AIG1: variants seen among roughly 807,000 people sequenced by gnomAD.
The protein encoded by AIG1 is androgen-induced gene 1 protein.
A neutral mutation model predicts 31.4 loss-of-function variants in AIG1; 23 were observed. That is an observed-to-expected ratio of 0.73 (90% CI 0.53 to 1.04). The LOEUF is 1.04. Ranked by LOEUF, AIG1 falls within the 50% of genes least tolerant of loss-of-function variation. The pLI, the probability that AIG1 is intolerant of heterozygous loss-of-function variation, is 0.00. For missense variants in AIG1, 274 were observed against 295.0 expected, an observed-to-expected ratio of 0.93 and a Z score of 0.52; for synonymous variants, 100 against 110.5, an observed-to-expected ratio of 0.90 and a Z score of 0.60.
chr6:143,184,347 A>T (rs1789024611), intron 3 of AIG1, among the ~76,000 whole-genome samples: 2 of 152,180 alleles, frequency 1.3e-5, no homozygotes, highest in South Asian at 4.1e-4. Context: ...CCATGATTTC[A>T]GGTTCTGCAC....
intron 3 of AIG1, among the ~76,000 whole-genome samples, chr6:143,240,678 T>C (rs750359566): frequency 6.6e-6 from 1 of 152,172 alleles, no homozygotes; most frequent in Admixed American, 6.5e-5. Flanking sequence ...AAATTTCCAA[T>C]CTGTCATGAA....
In AIG1 at chr6:143,135,813, C is replaced by T. The variant is rs187329500; in HGVS notation, c.142-1022C>T. On this transcript the variant is annotated intron_variant, in intron 1 of 5. Transcript: ENST00000357847. ...CCAAAAAAGGTCCTTGCTATCTTTT[C>T]TAAAGAGGCAATGAGTAAAATTGTG... 4.3e-3 allele frequency among the ~76,000 whole-genome samples: 661 copies of T among 152,258 alleles called. 5 individuals carry two copies. The highest frequency in any genetic ancestry group is 6.8e-3 in the Middle Eastern group (2 of 294).
In AIG1 at chr6:143,118,778, A is replaced by G. The variant is rs145417605; in HGVS notation, c.142-18057A>G. Among the ~76,000 whole-genome samples, 118 of 152,318 alleles carry G rather than the reference A, an allele frequency of 7.7e-4. 2 individuals carry two copies. The highest frequency in any genetic ancestry group is 2.7e-3 in the African/African-American group (112 of 41,574). ...CTATGATCCTATTAAGAATTTTACA[A>G]CAAAGAGGGGCTTGAGTGACCTAAA... On this transcript the variant is annotated intron_variant, in intron 1 of 5. Coordinates refer to ENST00000357847, the MANE Select transcript of AIG1 (RefSeq NM_016108.4).
intron 4 of AIG1, among the ~76,000 whole-genome samples, chr6:143,318,015 A>G (rs1775906709): frequency 6.6e-6 from 1 of 152,188 alleles, no homozygotes; most frequent in Admixed American, 6.5e-5. Context: ...AACAAATGGA[A>G]ACACATCCCA....
intron 1 of AIG1, among the ~76,000 whole-genome samples, chr6:143,111,552 G>A (rs559427174): frequency 6.6e-5 from 10 of 152,262 alleles, no homozygotes; most frequent in Admixed American, 1.3e-4. Flanking sequence ...GGTGGAACTC[G>A]TTCACTCTGT....
intron 4 of AIG1, among the ~76,000 whole-genome samples, chr6:143,301,969 G>T (rs1004237085): frequency 2.6e-5 from 4 of 151,832 alleles, no homozygotes; most frequent in Admixed American, 6.6e-5. Context: ...AGCTGGACTA[G>T]TGTCCTTTTG....
At chr6:143,114,052 G>A (rs1781535605) in intron 1 of AIG1, among the ~76,000 whole-genome samples, 2 of 152,144 alleles carry the variant, frequency 1.3e-5, no homozygotes, top group Admixed American at 1.3e-4. Context: ...AGGATTACAG[G>A]TGTGAGCCAC....
At chr6:143,187,319 T>C in intron 3 of AIG1, 1 of 1,319,366 alleles carries the variant, frequency 7.6e-7, no homozygotes. Flanking sequence ...ATATGGCAAA[T>C]ATGAACTAAT....
At chr6:143,200,417 T>C (rs1015048734) in intron 3 of AIG1, among the ~76,000 whole-genome samples, 5 of 152,192 alleles carry the variant, frequency 3.3e-5, no homozygotes, top group Non-Finnish European at 5.9e-5. Context: ...CCACCCCCAC[T>C]ACTGAATTCT....
intron 2 of AIG1, among the ~76,000 whole-genome samples, chr6:143,141,285 T>G (rs976973755): frequency 6.6e-6 from 1 of 152,134 alleles, no homozygotes; most frequent in African/African-American, 2.4e-5. Flanking sequence ...CATGGGTGGT[T>G]TATCTGGGAT....
At chr6:143,248,052 T>A (rs1231724837) in intron 3 of AIG1, among the ~76,000 whole-genome samples, 1 of 152,222 alleles carries the variant, frequency 6.6e-6, no homozygotes, top group Non-Finnish European at 1.5e-5. Flanking sequence ...CATCAGTATC[T>A]ATCTCAAAAG....
chr6:143,074,432 G>C (rs1414192012), intron 1 of AIG1, among the ~76,000 whole-genome samples: 1 of 152,206 alleles, frequency 6.6e-6, no homozygotes, highest in Non-Finnish European at 1.5e-5. Flanking sequence ...TATGGCGCAA[G>C]AGAATGGTCT....
chr6:143,313,674 T>A (rs1328666997), intron 4 of AIG1, among the ~76,000 whole-genome samples: 3 of 152,012 alleles, frequency 2.0e-5, no homozygotes, highest in African/African-American at 7.2e-5. Context: ...CAATAACATT[T>A]AAAGATAACT....
At chr6:143,276,913 C>G (rs181705778) in intron 3 of AIG1, among the ~76,000 whole-genome samples, 10 of 152,320 alleles carry the variant, frequency 6.6e-5, no homozygotes, top group African/African-American at 2.4e-4. Flanking sequence ...GGAGAAACAT[C>G]TCATCCAGCT....
chr6:143,068,517 G>C (rs1156943147), intron 1 of AIG1, among the ~76,000 whole-genome samples: 3 of 152,158 alleles, frequency 2.0e-5, no homozygotes, highest in African/African-American at 7.2e-5. Flanking sequence ...ACAGAAGCAT[G>C]GAATTCTGAA....
At chr6:143,196,836 A>G (rs574024882) in intron 3 of AIG1, among the ~76,000 whole-genome samples, 1 of 152,116 alleles carries the variant, frequency 6.6e-6, no homozygotes, top group East Asian at 1.9e-4. Context: ...TACTGGCAAT[A>G]AAAAAAAGAA....
intron 3 of AIG1, among the ~76,000 whole-genome samples, chr6:143,184,547 A>G (rs1373331325): frequency 6.6e-6 from 1 of 152,146 alleles, no homozygotes; most frequent in Non-Finnish European, 1.5e-5. Flanking sequence ...TCCTCTTCCT[A>G]TCACATCCCC....
chr6:143,220,142 G>T (rs1226978361), intron 3 of AIG1, among the ~76,000 whole-genome samples: 2 of 152,106 alleles, frequency 1.3e-5, no homozygotes, highest in East Asian at 3.9e-4. Context: ...TCCTCTGCTG[G>T]AGCTTGTCAA....
chr6:143,208,172 C>T (rs552844522), intron 3 of AIG1, among the ~76,000 whole-genome samples: 1 of 152,260 alleles, frequency 6.6e-6, no homozygotes, highest in African/African-American at 2.4e-5. Flanking sequence ...AAAATGAATT[C>T]TGAAATCTTT....
Sources: allele counts gnomAD v4.1 joint callset (sites outside exome capture counted in the v4.1 genomes callset), GRCh38; gene constraint gnomAD v4.1.1; transcripts MANE v1.5; gene names NCBI Gene and HGNC (gene_info 2026-07-23, HGNC 2026-07-21).